The following PCDHGB6 variants were observed in gnomAD, a reference collection of about 807,000 sequenced individuals.
PCDHGB6 encodes protocadherin gamma-B6.
Under a neutral mutation model 59.1 loss-of-function variants are expected in PCDHGB6, and 51 were observed. The observed-to-expected ratio is 0.86, with a 90% confidence interval of 0.69 to 1.09. The LOEUF (loss-of-function observed/expected upper bound fraction) is 1.09. Among genes scored for constraint, PCDHGB6 ranks in the 50% least tolerant of loss-of-function variants. The pLI, the probability that PCDHGB6 is intolerant of heterozygous loss-of-function variation, is 0.00. For missense variants in PCDHGB6, 1,148 were observed against 1,205.1 expected (o/e 0.95, Z 0.70); for synonymous variants, 466 against 495.1 (o/e 0.94, Z 0.78).
Position 141,489,398 on chromosome 5 carries a change from G to A in PCDHGB6, c.2419-5409G>A, listed in dbSNP as rs2099686644. On this transcript the variant is annotated intron_variant, in intron 1 of 3. Transcript: ENST00000520790. This position sits in a 1 kb window ranked among gnomAD's most constrained non-coding sequence, Gnocchi z 4.5. The stretch of plus-strand genomic sequence containing the variant: ...GTGGGGAATGTTGCTCAGGATCTGG[G>A]CTTAAAGATGACAGATCTGTTGAGC... 6.2e-7 allele frequency: 1 copy of A among 1,614,064 alleles called. No homozygotes were observed. The highest frequency in any genetic ancestry group is 1.3e-5 in the African/African-American group (1 of 74,910).
intron 2 of PCDHGB6, among the ~76,000 whole-genome samples, chr5:141,499,029 A>G (rs140948405): frequency 1.5e-3 from 205 of 140,068 alleles, no homozygotes; most frequent in African/African-American, 5.5e-3. Context: ...AGGAAGGAAG[A>G]AAAGAAAGAA....
intron 1 of PCDHGB6, among the ~76,000 whole-genome samples, chr5:141,459,220 A>G (rs1234283814): frequency 6.6e-6 from 1 of 152,234 alleles, no homozygotes; most frequent in Non-Finnish European, 1.5e-5. Flanking sequence ...CTCCAGCTCC[A>G]GGCAACAACT....
chr5:141,422,670 C>CA (rs754910458), intron 1 of PCDHGB6: 6 of 1,607,126 alleles, frequency 3.7e-6, no homozygotes, highest in Non-Finnish European at 1.7e-6. Flanking sequence ...TCGACCCGGA[C>CA]AGCAAACAGA....
intron 1 of PCDHGB6, chr5:141,419,543 G>A (rs573594140): frequency 2.5e-5 from 40 of 1,612,106 alleles, no homozygotes; most frequent in African/African-American, 2.0e-4. Context: ...CGCACCGCGG[G>A]TGCTGTACCC....
intron 1 of PCDHGB6, chr5:141,418,991 G>A (rs1335937354): frequency 6.2e-7 from 1 of 1,613,836 alleles, no homozygotes. Context: ...AGACTCAGGG[G>A]AAAATGGGGA....
In PCDHGB6 at chr5:141,422,440, T is replaced by G. The variant is rs1028472076; in HGVS notation, c.2418+11820T>G. 11 of 1,610,116 alleles carry G rather than the reference T, an allele frequency of 6.8e-6. No homozygotes were observed. The highest frequency in any genetic ancestry group is 2.7e-5 in the African/African-American group (2 of 74,560). On this transcript the variant is annotated intron_variant, in intron 1 of 3. Transcript: ENST00000520790. ...AAAGACTTATGGAAATTATTACAAATTGATAACAAGCAGAGTGCTGGACAG... is the reference window on the plus strand; with the variant it reads ...AAAGACTTATGGAAATTATTACAAAGTGATAACAAGCAGAGTGCTGGACAG...
chr5:141,498,042 A>G (rs1189035278), intron 2 of PCDHGB6, among the ~76,000 whole-genome samples: 2 of 152,238 alleles, frequency 1.3e-5, no homozygotes, highest in Non-Finnish European at 2.9e-5. Flanking sequence ...AATAATTACA[A>G]AAATAAATGT....
chr5:141,414,946 C>T, intron 1 of PCDHGB6: 1 of 1,614,102 alleles, frequency 6.2e-7, no homozygotes, highest in East Asian at 2.2e-5. Context: ...GCCCGGCTAC[C>T]TGGTGACCAA....
chr5:141,437,622 A>G (rs1007643306), intron 1 of PCDHGB6, among the ~76,000 whole-genome samples: 2 of 152,192 alleles, frequency 1.3e-5, no homozygotes, highest in Non-Finnish European at 2.9e-5. Flanking sequence ...TTATCCCCAT[A>G]TAAGATGTCA....
In PCDHGB6 at chr5:141,415,612, G is replaced by A. The variant is rs745660439; in HGVS notation, c.2418+4992G>A. 12 of 1,612,854 alleles carry A rather than the reference G, an allele frequency of 7.4e-6. No homozygotes were observed. The South Asian group carries it at 1.2e-4, about 16-fold the overall frequency. ...TATAGAGGATACCCCATTGGTTCCA[G>A]TGAGTTTTATTTTCATTTTTACTTT... On this transcript the variant is annotated intron_variant, in intron 1 of 3. Transcript: ENST00000520790.
intron 1 of PCDHGB6, chr5:141,414,464 A>G (rs1331771342): frequency 1.2e-6 from 2 of 1,613,904 alleles, no homozygotes; most frequent in African/African-American, 1.3e-5. Context: ...ACAGCCACAG[A>G]TGGGGGAAGT....
intron 2 of PCDHGB6, among the ~76,000 whole-genome samples, chr5:141,499,689 CTTTTTTT>C (rs545067566): frequency 8.3e-6 from 1 of 119,856 alleles, no homozygotes; most frequent in Non-Finnish European, 1.7e-5. Flanking sequence ...TAACAGATGA[CTTTTTTT>C]TTTTTTTTTT....
Position 141,490,177 on chromosome 5 carries a change from T to C in PCDHGB6, c.2419-4630T>C, listed in dbSNP as rs780298274. 12 of 1,613,622 alleles carry C rather than the reference T, an allele frequency of 7.4e-6. No individual in the cohort carries two copies. The highest frequency in any genetic ancestry group is 1.0e-5 in the Non-Finnish European group (12 of 1,179,932). On this transcript the variant is annotated intron_variant, in intron 1 of 3. Transcript: ENST00000520790. This position sits in a 1 kb window ranked among gnomAD's most constrained non-coding sequence, Gnocchi z 5.4. The stretch of plus-strand genomic sequence containing the variant: ...GTTGGGTCCCATAGACTTTGAGGAG[T>C]CACGTTTCTATGAAATTCATGCAAG...
intron 3 of PCDHGB6, among the ~76,000 whole-genome samples, chr5:141,505,697 C>T (rs540949327): frequency 1.4e-4 from 21 of 152,198 alleles, no homozygotes; most frequent in Admixed American, 7.2e-4. Context: ...TGGAGGAGAG[C>T]GAACAAGGAA....
At chr5:141,429,378 T>G (rs890583768) in intron 1 of PCDHGB6, among the ~76,000 whole-genome samples, 3 of 105,336 alleles carry the variant, frequency 2.8e-5, no homozygotes, top group African/African-American at 5.2e-5. Flanking sequence ...AGAAAATGTG[T>G]TTTTTTTTTA....
chr5:141,476,039 C>T lies in PCDHGB6; in HGVS notation c.2419-18768C>T. The T allele has an allele frequency of 1.3e-6, 2 of 1,484,358 alleles. No homozygotes were observed. The highest frequency in any genetic ancestry group is 1.8e-6 in the Non-Finnish European group (2 of 1,117,328). The allele number at this position is 1,484,358 out of a possible 1,614,324, so 91.9% of individuals were successfully genotyped here. On this transcript the variant is annotated intron_variant, in intron 1 of 3. Coordinates refer to ENST00000520790, the MANE Select transcript of PCDHGB6 (RefSeq NM_018926.3). The surrounding 1 kb of genome is among the most constrained non-coding windows in gnomAD (Gnocchi z 7.6). Reference sequence around the variant, plus strand: ...TCGGACTCGGCGCCCAGCGCCCAAGCGCTAACCCGCTGAAAGTTTCTCAGC... The same window carrying T: ...TCGGACTCGGCGCCCAGCGCCCAAGTGCTAACCCGCTGAAAGTTTCTCAGC...
At chr5:141,510,358 C>T (rs186470331) in intron 3 of PCDHGB6, among the ~76,000 whole-genome samples, 187 of 144,062 alleles carry the variant, frequency 1.3e-3, no homozygotes, top group African/African-American at 4.6e-3. Context: ...ACTAACGGAA[C>T]TACCGAATCT....
chr5:141,472,998 G>GAA (rs2099311030), intron 1 of PCDHGB6, among the ~76,000 whole-genome samples: 1 of 134,744 alleles, frequency 7.4e-6, no homozygotes, highest in Non-Finnish European at 1.6e-5. Flanking sequence ...AAAAAAAAAA[G>GAA]AAAGAAAAAG....
In PCDHGB6 at chr5:141,432,262, A is replaced by G; in HGVS notation, c.2418+21642A>G. 1.9e-6 allele frequency: 3 copies of G among 1,614,222 alleles called. No homozygotes were observed. Among genetic ancestry groups the G allele is most frequent in the Non-Finnish European group, 2.5e-6 (3 of 1,180,036 alleles). On this transcript the variant is annotated intron_variant, in intron 1 of 3. Coordinates refer to ENST00000520790, the MANE Select transcript of PCDHGB6 (RefSeq NM_018926.3). This position sits in a 1 kb window ranked among gnomAD's most constrained non-coding sequence, Gnocchi z 6.0. ...AGAACACCATCCAAGGGGCAAGCCT[A>G]TCGTCCTACGTGTCCATCAACTCCG...
Sources: gnomAD v4.1 joint callset for allele counts (sites outside exome capture counted in the v4.1 genomes callset) on GRCh38, gnomAD v4.1.1 for gene constraint, Gnocchi (gnomAD v3.1) non-coding constraint, MANE v1.5 for transcripts, NCBI Gene and HGNC (gene_info 2026-07-23, HGNC 2026-07-21) for gene names.